The following SCN8A variants were observed in gnomAD, a reference collection of about 807,000 sequenced individuals.
SCN8A encodes sodium channel protein type 8 subunit alpha.
A neutral mutation model predicts 184.1 loss-of-function variants in SCN8A; 30 were observed. That is an observed-to-expected ratio of 0.16 (90% CI 0.12 to 0.22). The LOEUF (loss-of-function observed/expected upper bound fraction) is 0.22. SCN8A is among the 10% of genes least tolerant of loss of function. SCN8A has a pLI of 1.00. For synonymous variants in SCN8A, 852 were observed against 907.0 expected (o/e 0.94, Z 1.09); for missense variants, 1,057 against 2,498.9 (o/e 0.42, Z 12.30).
intron 2 of SCN8A, among the ~76,000 whole-genome samples, chr12:51,667,093 TTA>T (rs1941047343): frequency 6.6e-6 from 1 of 152,208 alleles, no homozygotes; most frequent in Non-Finnish European, 1.5e-5. Flanking sequence ...AATTCAGTTT[TTA>T]AAATAGGTAA....
chr12:51,770,551 C>T lies in SCN8A; in HGVS notation c.3513C>T (p.Cys1171=). ...FTEGCVQRFK[C]CQVNIEEGLG... The stretch of plus-strand genomic sequence containing the variant: ...CAGGTTGTGTCCAGCGGTTCAAGTG[C>T]TGCCAGGTCAACATCGAGGAAGGGC... The change falls in exon 19 of 27, where the codon TGC becomes TGT. Residue 1171 remains cysteine, a synonymous_variant. Transcript: ENST00000627620. 6.2e-7 allele frequency: 1 copy of T among 1,610,338 alleles called. No individual in the cohort carries two copies. Among genetic ancestry groups the T allele is most frequent in the Non-Finnish European group, 8.5e-7 (1 of 1,178,140 alleles).
intron 8 of SCN8A, 112 bp from the exon 9 acceptor site, chr12:51,702,661 T>C: frequency 2.4e-6 from 2 of 850,850 alleles, no homozygotes; most frequent in Non-Finnish European, 3.2e-6. Context: ...TCAATGGTTA[T>C]TTATTATCTC....
chr12:51,692,017 TG>T (rs1311756172), intron 6 of SCN8A, among the ~76,000 whole-genome samples: 2 of 152,208 alleles, frequency 1.3e-5, no homozygotes, highest in Admixed American at 6.5e-5. Context: ...TTGATTCTTG[TG>T]TGGTAGAGCT....
At chr12:51,735,034 GT>G (rs1355778610) in intron 12 of SCN8A, among the ~76,000 whole-genome samples, 1 of 152,152 alleles carries the variant, frequency 6.6e-6, no homozygotes, top group Non-Finnish European at 1.5e-5. Context: ...TTTGTAGATG[GT>G]TTTTATTTTT....
At chr12:51,655,157 C>G (rs991167949) in intron 1 of SCN8A, among the ~76,000 whole-genome samples, 2 of 152,138 alleles carry the variant, frequency 1.3e-5, no homozygotes, top group Non-Finnish European at 2.9e-5. Context: ...GCTCAGCCCC[C>G]CATAGTGCTG....
At chr12:51,760,313 T>C (rs1942743207) in intron 14 of SCN8A, among the ~76,000 whole-genome samples, 1 of 152,236 alleles carries the variant, frequency 6.6e-6, no homozygotes. Context: ...TATAGGTGTA[T>C]TTTGACACAC....
intron 1 of SCN8A, among the ~76,000 whole-genome samples, chr12:51,645,862 C>T (rs1940573333): frequency 1.3e-5 from 2 of 149,348 alleles, no homozygotes; most frequent in East Asian, 3.9e-4. Flanking sequence ...GACCTTTGTT[C>T]ACTTGTTTAT....
intron 1 of SCN8A, among the ~76,000 whole-genome samples, chr12:51,597,524 A>T (rs1016205545): frequency 6.6e-6 from 1 of 152,204 alleles, no homozygotes; most frequent in Non-Finnish European, 1.5e-5. Flanking sequence ...TGAGCACTTA[A>T]CTGATCATTA....
intron 1 of SCN8A, among the ~76,000 whole-genome samples, chr12:51,633,775 T>C (rs944876928): frequency 2.6e-5 from 4 of 152,200 alleles, no homozygotes; most frequent in Admixed American, 1.3e-4. Context: ...ATGCATTTTA[T>C]TTGATTATGA....
chr12:51,705,691 T>G, intron 10 of SCN8A, 68 bp downstream of exon 10: 1 of 1,369,708 alleles, frequency 7.3e-7, no homozygotes, highest in East Asian at 2.5e-5. Context: ...CATCTGATTT[T>G]CACTGCAGTT....
At chr12:51,593,814 G>A (rs1939285826) in intron 1 of SCN8A, among the ~76,000 whole-genome samples, 1 of 152,162 alleles carries the variant, frequency 6.6e-6, no homozygotes, top group Admixed American at 6.5e-5. Flanking sequence ...CATTTTGGCT[G>A]TCCCTCATGG....
rs552581342 is a variant in SCN8A, at chr12:51,653,964, C to A, written c.-54-8800C>A. ...CCTAATGATTAATGATGCTGAACAT[C>A]TTTTCATGTGCTTATTGGTCATTTT... is the stretch of plus-strand genomic sequence containing the variant. On this transcript the variant is annotated intron_variant, in intron 1 of 26. Coordinates refer to ENST00000627620, the MANE Select transcript of SCN8A (RefSeq NM_001330260.2). Among the ~76,000 whole-genome samples the A allele has an allele frequency of 2.6e-5, 4 of 152,256 alleles. No individual in the cohort carries two copies. The South Asian group carries it at 8.3e-4, about 32-fold the overall frequency.
chr12:51,605,043 C>T (rs879214909), intron 1 of SCN8A, among the ~76,000 whole-genome samples: 5 of 152,142 alleles, frequency 3.3e-5, no homozygotes, highest in Admixed American at 2.6e-4. Context: ...TTCCCCTCTT[C>T]CTTTCCATAT....
At chr12:51,649,893 C>G (rs1300927853) in intron 1 of SCN8A, among the ~76,000 whole-genome samples, 1 of 152,162 alleles carries the variant, frequency 6.6e-6, no homozygotes, top group East Asian at 1.9e-4. Flanking sequence ...TTTTTCTTTT[C>G]TATCACATGG....
intron 2 of SCN8A, among the ~76,000 whole-genome samples, chr12:51,668,907 C>A (rs967412142): frequency 6.6e-6 from 1 of 152,160 alleles, no homozygotes; most frequent in Non-Finnish European, 1.5e-5. Flanking sequence ...AGTTATTAGG[C>A]CATTTCATCC....
In SCN8A at chr12:51,633,715, G is replaced by A. The variant is rs149798694; in HGVS notation, c.-54-29049G>A. On this transcript the variant is annotated intron_variant, in intron 1 of 26. Transcript: ENST00000627620. The stretch of plus-strand genomic sequence containing the variant: ...CACTGTGTGTCTGTTCTCTATAGAC[G>A]TCCTGGTTGCTGGTCATTGTCTCTT... Among the ~76,000 whole-genome samples the A allele has an allele frequency of 8.6e-3, 1,308 of 152,258 alleles. 9 individuals carry two copies. Among genetic ancestry groups the A allele is most frequent in the South Asian group, 0.017 (84 of 4,818 alleles).
rs2138828935 is a variant in SCN8A, at chr12:51,746,009, G to C, written c.2105G>C (p.Ser702Thr). ...AAGGACAGAATCAACAGTATAATGAGTGTTGTTACAAATACACTAGTAGAA... is the reference window on the plus strand; with the variant it reads ...AAGGACAGAATCAACAGTATAATGACTGTTGTTACAAATACACTAGTAGAA... The part of the protein sequence containing the change: ...GRKDRINSIM[S>T]VVTNTLVEEL... Residue 702 changes from serine (S) to threonine (T), a missense_variant, in exon 13 of 27, where the codon AGT becomes ACT. Physicochemically the swap from Ser to Thr is moderately conservative, Grantham distance 58 (BLOSUM62 1). This residue lies in a region of SCN8A where 322 missense variants were observed against 390.1 expected (regional missense o/e 0.83). Coordinates refer to ENST00000627620, the MANE Select transcript of SCN8A (RefSeq NM_001330260.2). 6.2e-7 allele frequency: 1 copy of C among 1,610,072 alleles called. No individual in the cohort carries two copies. The highest frequency in any genetic ancestry group is 1.1e-5 in the South Asian group (1 of 90,004).
chr12:51,662,047 G>T (rs1218183444), intron 1 of SCN8A, among the ~76,000 whole-genome samples: 8 of 152,178 alleles, frequency 5.3e-5, no homozygotes. Flanking sequence ...CAGTGCTGTT[G>T]CATCAGAGGA....
intron 1 of SCN8A, among the ~76,000 whole-genome samples, chr12:51,636,524 G>T (rs1291759877): frequency 3.9e-5 from 6 of 152,210 alleles, no homozygotes; most frequent in Non-Finnish European, 8.8e-5. Flanking sequence ...AACTATGGGT[G>T]TGTAGAAAGG....
Sources: allele counts gnomAD v4.1 joint callset (sites outside exome capture counted in the v4.1 genomes callset), GRCh38; gene constraint gnomAD v4.1.1; regional missense constraint gnomAD v4.1.1; transcripts MANE v1.5; gene names NCBI Gene and HGNC (gene_info 2026-07-23, HGNC 2026-07-21).